Variants in KCND2 observed in about 807,000 individuals in gnomAD.
The protein encoded by KCND2 is potassium voltage-gated channel subfamily D member 2, also known as A-type voltage-gated potassium channel KCND2.
A neutral mutation model predicts 54.4 loss-of-function variants in KCND2; 16 were observed. That is an observed-to-expected ratio of 0.29 (90% CI 0.20 to 0.45). The LOEUF (loss-of-function observed/expected upper bound fraction) is 0.45. KCND2 is among the 20% of genes least tolerant of loss of function. The pLI is 1.00. For synonymous variants in KCND2, 317 were observed against 310.7 expected, an observed-to-expected ratio of 1.02 and a Z score of -0.21; for missense variants, 486 against 824.2, an observed-to-expected ratio of 0.59 and a Z score of 5.02.
chr7:120,580,804 A>G (rs754863860), intron 1 of KCND2, among the ~76,000 whole-genome samples: 2 of 152,198 alleles, frequency 1.3e-5, no homozygotes, highest in African/African-American at 2.4e-5. Flanking sequence ...TGTTTTTATT[A>G]TGAACTTGCT....
At chr7:120,406,524 T>C (rs1260173306) in intron 1 of KCND2, among the ~76,000 whole-genome samples, 3 of 151,954 alleles carry the variant, frequency 2.0e-5, no homozygotes, top group Admixed American at 6.6e-5. Context: ...GCAAAACACA[T>C]GCACACTAAT....
At chr7:120,400,291 C>T (rs1161745442) in intron 1 of KCND2, among the ~76,000 whole-genome samples, 1 of 152,068 alleles carries the variant, frequency 6.6e-6, no homozygotes, top group Admixed American at 6.6e-5. Context: ...CTTTAGGCTC[C>T]TTGGAGAAAA....
Position 120,274,716 on chromosome 7 carries a change from G to C in KCND2, c.84G>C (p.Pro28=). Residue 28 remains proline, a synonymous_variant, in exon 1 of 6, where the codon CCG becomes CCC. Coordinates refer to ENST00000331113, the MANE Select transcript of KCND2 (RefSeq NM_012281.3). Reference sequence around the variant, plus strand: ...TGCCTGTGGCCTCGGGGCCTATGCCGGCTCCCCCGAGGCAGGAGAGGAAAA... The same window carrying C: ...TGCCTGTGGCCTCGGGGCCTATGCCCGCTCCCCCGAGGCAGGAGAGGAAAA... ...GWMPVASGPM[P]APPRQERKRT... 6.2e-7 allele frequency: 1 copy of C among 1,613,940 alleles called. No individual in the cohort carries two copies. The highest frequency in any genetic ancestry group is 8.5e-7 in the Non-Finnish European group (1 of 1,179,968).
chr7:120,518,983 G>A (rs1384219403), intron 1 of KCND2, among the ~76,000 whole-genome samples: 2 of 152,068 alleles, frequency 1.3e-5, no homozygotes, highest in East Asian at 1.9e-4. Flanking sequence ...GCATACGGAG[G>A]CCTAGACATG....
At chr7:120,630,926 A>C (rs1233941636) in intron 1 of KCND2, among the ~76,000 whole-genome samples, 1 of 152,218 alleles carries the variant, frequency 6.6e-6, no homozygotes, top group Non-Finnish European at 1.5e-5. Flanking sequence ...CACTAACTGC[A>C]TCTGCTAAAT....
intron 1 of KCND2, among the ~76,000 whole-genome samples, chr7:120,700,969 C>T (rs1022967072): frequency 6.6e-6 from 1 of 152,076 alleles, no homozygotes; most frequent in African/African-American, 2.4e-5. Flanking sequence ...TTCAGGGCCC[C>T]AGGCTCTTTC....
chr7:120,534,866 A>G (rs1036458292), intron 1 of KCND2, among the ~76,000 whole-genome samples: 2 of 152,170 alleles, frequency 1.3e-5, no homozygotes, highest in Admixed American at 1.3e-4. Flanking sequence ...CACATACCAC[A>G]AGTGGAATGA....
intron 1 of KCND2, among the ~76,000 whole-genome samples, chr7:120,511,118 T>A (rs766999465): frequency 6.6e-6 from 1 of 151,806 alleles, no homozygotes; most frequent in Admixed American, 6.6e-5. Context: ...TTTTTGTACA[T>A]GTCATGAACA....
At chr7:120,550,574 T>C (rs1303255254) in intron 1 of KCND2, among the ~76,000 whole-genome samples, 2 of 152,212 alleles carry the variant, frequency 1.3e-5, no homozygotes, top group Non-Finnish European at 2.9e-5. Context: ...GATTCCATTT[T>C]ATGTGAAGAA....
At chr7:120,542,341 T>A (rs1791988980) in intron 1 of KCND2, among the ~76,000 whole-genome samples, 1 of 152,198 alleles carries the variant, frequency 6.6e-6, no homozygotes, top group Non-Finnish European at 1.5e-5. Flanking sequence ...ACAATCACAC[T>A]TGACACTATT....
intron 1 of KCND2, among the ~76,000 whole-genome samples, chr7:120,600,285 T>C (rs368827730): frequency 6.6e-6 from 1 of 151,986 alleles, no homozygotes; most frequent in East Asian, 1.9e-4. Context: ...GCTTTTTTAG[T>C]CTCTGTAAGT....
chr7:120,464,499 G>A (rs911428538), intron 1 of KCND2, among the ~76,000 whole-genome samples: 2 of 152,090 alleles, frequency 1.3e-5, no homozygotes, highest in East Asian at 1.9e-4. Context: ...CTTTATTGAT[G>A]CCTAACAAAT....
intron 1 of KCND2, among the ~76,000 whole-genome samples, chr7:120,346,766 G>A (rs1800323822): frequency 6.6e-6 from 1 of 150,702 alleles, no homozygotes; most frequent in Admixed American, 6.6e-5. Flanking sequence ...CCAGTGTCTT[G>A]ACCTTCTTGT....
At chr7:120,624,494 T>C (rs764083267) in intron 1 of KCND2, among the ~76,000 whole-genome samples, 4 of 152,096 alleles carry the variant, frequency 2.6e-5, no homozygotes, top group Non-Finnish European at 5.9e-5. Context: ...TAAAAACCCA[T>C]GGTGGGCTGG....
At chr7:120,345,451 G>A (rs1041283419) in intron 1 of KCND2, among the ~76,000 whole-genome samples, 3 of 152,166 alleles carry the variant, frequency 2.0e-5, no homozygotes, top group Admixed American at 2.0e-4. Flanking sequence ...CCAGTTTAAA[G>A]TTACATATGT....
chr7:120,570,455 G>A (rs1366304564), intron 1 of KCND2, among the ~76,000 whole-genome samples: 1 of 150,392 alleles, frequency 6.6e-6, no homozygotes, highest in Admixed American at 6.6e-5. Context: ...CTGTAAGAAA[G>A]CATGCTTACA....
chr7:120,333,005 G>A (rs1414078908), intron 1 of KCND2, among the ~76,000 whole-genome samples: 16 of 152,050 alleles, frequency 1.1e-4, no homozygotes, highest in Admixed American at 1.0e-3. Context: ...CCCATCCAGA[G>A]CTGTTGTGAG....
At chr7:120,277,793 A>G (rs1374958459) in intron 1 of KCND2, among the ~76,000 whole-genome samples, 1 of 152,064 alleles carries the variant, frequency 6.6e-6, no homozygotes, top group African/African-American at 2.4e-5. Flanking sequence ...TATTATGTAA[A>G]TAAAATACTT....
chr7:120,600,748 A>C (rs1483807471), intron 1 of KCND2, among the ~76,000 whole-genome samples: 2 of 152,076 alleles, frequency 1.3e-5, no homozygotes, highest in African/African-American at 4.8e-5. Context: ...ATTCTAAATA[A>C]CTTCATACAT....
Sources: gnomAD v4.1 joint callset for allele counts (sites outside exome capture counted in the v4.1 genomes callset) on GRCh38, gnomAD v4.1.1 for gene constraint, MANE v1.5 for transcripts, NCBI Gene and HGNC (gene_info 2026-07-23, HGNC 2026-07-21) for gene names.